ZNF665: variants seen among roughly 807,000 people sequenced by gnomAD.
ZNF665 encodes the protein zinc finger protein 665.
ZNF665 carries 6 observed loss-of-function variants against 7.9 expected under a neutral mutation model. That is an observed-to-expected ratio of 0.76 (90% confidence interval 0.42 to 1.50). The LOEUF is 1.50. Among genes scored for constraint, ZNF665 ranks in the 40% most tolerant of loss-of-function variants. ZNF665 has a pLI of 0.01. For missense variants in ZNF665, 819 were observed against 806.7 expected (o/e 1.02, Z -0.18); for synonymous variants, 242 against 274.5 (o/e 0.88, Z 1.17).
Position 53,166,088 on chromosome 19 carries a change from G to A in ZNF665, c.402C>T (p.Asn134=). 1 of 1,614,052 alleles carries A rather than the reference G, an allele frequency of 6.2e-7. No individual in the cohort carries two copies. The highest frequency in any genetic ancestry group is 8.5e-7 in the Non-Finnish European group (1 of 1,179,940). ...CTCCAAGCTGATTTTCAATATGCCT[G>A]TTTCCTGCAGCCCTTCTATCACGTT... ...RAQRDRRAAG[N]RHIENQLGVS... The change falls in exon 4 of 4, where the codon AAC becomes AAT. Residue 134 remains asparagine (N), a synonymous_variant. Coordinates refer to ENST00000396424, the MANE Select transcript of ZNF665 (RefSeq NM_024733.5).
chr19:53,173,675 T>G (rs2090675851), intron 3 of ZNF665, among the ~76,000 whole-genome samples: 1 of 151,936 alleles, frequency 6.6e-6, no homozygotes, highest in South Asian at 2.1e-4. Context: ...ATCTAGCATT[T>G]TTTACTCTTT....
chr19:53,171,937 T>C (rs1417622012), intron 3 of ZNF665, among the ~76,000 whole-genome samples: 1 of 151,998 alleles, frequency 6.6e-6, no homozygotes, highest in East Asian at 1.9e-4. Flanking sequence ...GTATGTTTAG[T>C]AGAAACAGGG....
At chr19:53,189,786 T>G (rs1378699394) in intron 1 of ZNF665, among the ~76,000 whole-genome samples, 1 of 151,418 alleles carries the variant, frequency 6.6e-6, no homozygotes, top group Non-Finnish European at 1.5e-5. Context: ...AAAGGGAGAC[T>G]CCCTTCCCCA....
At chr19:53,177,699 T>C (rs1052680711) in intron 2 of ZNF665, among the ~76,000 whole-genome samples, 2 of 152,122 alleles carry the variant, frequency 1.3e-5, no homozygotes, top group East Asian at 3.8e-4. Context: ...ATATCCACAG[T>C]GGCTTTGAAG....
chr19:53,171,504 G>GTGTGTGTGTATATATATA (rs140482885), intron 3 of ZNF665, among the ~76,000 whole-genome samples: 6 of 57,774 alleles, frequency 1.0e-4, no homozygotes, highest in Non-Finnish European at 1.7e-4. Flanking sequence ...GTGTGTGTGT[G>GTGTGTGTGTATATATATA]TATATATATA....
intron 3 of ZNF665, among the ~76,000 whole-genome samples, chr19:53,167,585 T>C (rs76151568): frequency 0.49 from 73,067 of 148,570 alleles, 21,416 homozygotes; most frequent in South Asian, 0.71. Flanking sequence ...TAGCTGGGAC[T>C]ACAGGCGCCC....
intron 1 of ZNF665, among the ~76,000 whole-genome samples, chr19:53,192,497 T>G (rs1285728123): frequency 6.6e-6 from 1 of 152,206 alleles, no homozygotes; most frequent in South Asian, 2.1e-4. Flanking sequence ...CTCCAGTTGT[T>G]TCTCCATCCT....
Position 53,192,171 on chromosome 19 carries a change from G to T in ZNF665, c.-46+1141C>A, listed in dbSNP as rs180877010. On this transcript the variant is annotated intron_variant, in intron 1 of 3. Coordinates refer to ENST00000396424, the MANE Select transcript of ZNF665 (RefSeq NM_024733.5). Reference sequence around the variant, plus strand: ...CTTATTCCTCTTTCACCCGTCTTTTGGTTGTCCCCAATCTCCATCTATTTC... The same window carrying T: ...CTTATTCCTCTTTCACCCGTCTTTTTGTTGTCCCCAATCTCCATCTATTTC... Among the ~76,000 whole-genome samples the T allele has an allele frequency of 2.0e-3, 303 of 151,814 alleles. 1 individual carries two copies. The highest frequency in any genetic ancestry group is 7.1e-3 in the African/African-American group (292 of 41,322).
chr19:53,169,756 T>A (rs999739961), intron 3 of ZNF665, among the ~76,000 whole-genome samples: 3 of 150,344 alleles, frequency 2.0e-5, no homozygotes, highest in African/African-American at 7.4e-5. Context: ...ATTGTTCAAT[T>A]CCCACCTATG....
At position 53,175,584 on chromosome 19, in the gene ZNF665, A is replaced by T; in HGVS notation, c.16-13T>A. On this transcript the variant is annotated splice_polypyrimidine_tract_variant and intron_variant, in intron 2 of 3. Coordinates refer to ENST00000396424, the MANE Select transcript of ZNF665 (RefSeq NM_024733.5). ...ATGTCAACTGTCCCTAAAATGAAAA[A>T]CACATTTCACCAAGTGACTATGAGG... The T allele has an allele frequency of 6.3e-7, 1 of 1,588,526 alleles. No homozygotes were observed.
rs928538024 is a variant in ZNF665 at position 53,164,379 on chromosome 19, C to A, written c.*74G>T. ...TCTCGAACTCGAGACCTCAGGTGAT[C>A]CCCCCGCCTCGGCCTCCCAAAGTGC... On this transcript the variant is annotated 3_prime_UTR_variant, in exon 4 of 4. Coordinates refer to ENST00000396424, the MANE Select transcript of ZNF665 (RefSeq NM_024733.5). 4 of 1,217,154 alleles carry A rather than the reference C, an allele frequency of 3.3e-6. No homozygotes were observed. The highest frequency in any genetic ancestry group is 2.9e-5 in the Admixed American group (1 of 34,664). 75.4% of individuals were successfully genotyped at this position (1,217,154 alleles called of 1,614,324 possible). A position where few individuals can be genotyped will look rare whatever the true frequency, so the allele number is the denominator to read the frequency against.
chr19:53,182,628 C>T, intron 2 of ZNF665: 2 of 806,572 alleles, frequency 2.5e-6, no homozygotes, highest in Non-Finnish European at 2.1e-6. Context: ...CCACGGGACC[C>T]TCACCCCGTC....
Position 53,165,823 on chromosome 19 carries a change from T to C in ZNF665, c.667A>G (p.Ile223Val). The change falls in exon 4 of 4, where the codon ATC becomes GTC. Residue 223 changes from isoleucine (I) to valine (V), a missense_variant. Coordinates refer to ENST00000396424, the MANE Select transcript of ZNF665 (RefSeq NM_024733.5). ...KAFTVRSNLT[I>V]HQVIHTGEKP... ...TCTCCAGTATGGATGACCTGATGGA[T>C]TGTTAGGTTTGAACGAACAGTAAAG... The C allele has an allele frequency of 6.2e-7, 1 of 1,614,160 alleles. No individual in the cohort carries two copies. The highest frequency in any genetic ancestry group is 1.1e-5 in the South Asian group (1 of 91,086).
intron 3 of ZNF665, among the ~76,000 whole-genome samples, chr19:53,174,715 G>C (rs1209849798): frequency 1.3e-5 from 2 of 152,082 alleles, no homozygotes; most frequent in African/African-American, 2.4e-5. Context: ...GAGTTGGGCA[G>C]ATCACCTGAG....
intron 3 of ZNF665, among the ~76,000 whole-genome samples, chr19:53,172,491 A>G (rs1176086787): frequency 6.6e-6 from 1 of 152,066 alleles, no homozygotes; most frequent in African/African-American, 2.4e-5. Context: ...GCTGCTTTAA[A>G]TTTTTATCTC....
chr19:53,175,669 C>A, intron 2 of ZNF665, 98 bp from the exon 3 acceptor site: 1 of 1,379,920 alleles, frequency 7.2e-7, no homozygotes, highest in South Asian at 1.4e-5. Flanking sequence ...AGGTTCAATT[C>A]ACGTAAGCAG....
Position 53,193,334 on chromosome 19 carries a change from C to A in ZNF665, c.-68G>T, listed in dbSNP as rs1434634827. On this transcript the variant is annotated 5_prime_UTR_variant, in exon 1 of 4. Transcript: ENST00000396424. ...CACGCGGCGACTAACAGCCTTCACT[C>A]CAAGAGATCTGCTTCCGGGTTTGCA... is the stretch of plus-strand genomic sequence containing the variant. 6.6e-6 allele frequency: 1 copy of A among 151,984 alleles called. No individual in the cohort carries two copies. Among genetic ancestry groups the A allele is most frequent in the Non-Finnish European group, 1.5e-5 (1 of 68,172 alleles). 9.4% of individuals were successfully genotyped at this position (151,984 alleles called of 1,614,324 possible). A position where few individuals can be genotyped will look rare whatever the true frequency, so the allele number is the denominator to read the frequency against.
intron 1 of ZNF665, 46 bp downstream of exon 1, chr19:53,193,266 A>G (rs11084223): frequency 0.49 from 73,696 of 151,942 alleles, 18,150 homozygotes; most frequent in Middle Eastern, 0.66. Context: ...ACGGAGGAGC[A>G]GGGGACTCCG....
intron 1 of ZNF665, among the ~76,000 whole-genome samples, chr19:53,192,781 C>A (rs1008148781): frequency 6.6e-6 from 1 of 152,060 alleles, no homozygotes; most frequent in Non-Finnish European, 1.5e-5. Context: ...AAGGCCCGGG[C>A]ACCTCCCCAA....
Sources: gnomAD v4.1 joint callset for allele counts (sites outside exome capture counted in the v4.1 genomes callset) on GRCh38, gnomAD v4.1.1 for gene constraint, MANE v1.5 for transcripts, NCBI Gene and HGNC (gene_info 2026-07-23, HGNC 2026-07-21) for gene names.